Variants in ECT2L observed in about 807,000 individuals in gnomAD.
The protein encoded by ECT2L is epithelial cell-transforming sequence 2 oncogene-like.
In ECT2L, 126 loss-of-function variants were observed where a neutral mutation model predicts 122.8. The observed-to-expected ratio is 1.03, with a 90% CI of 0.89 to 1.19. ECT2L has a LOEUF of 1.19. ECT2L is among the 50% of genes most tolerant of loss of function. ECT2L has a pLI of 0.00. For missense variants in ECT2L, 1,012 were observed against 1,064.1 expected, an observed-to-expected ratio of 0.95 and a Z score of 0.68; for synonymous variants, 385 against 381.8, an observed-to-expected ratio of 1.01 and a Z score of -0.10.
At chr6:138,874,357 C>T in intron 13 of ECT2L, among the ~76,000 whole-genome samples, 1 of 152,062 alleles carries the variant, frequency 6.6e-6, no homozygotes, top group Admixed American at 6.5e-5. Context: ...TCCATAAAAA[C>T]TAAGTAAAAG....
At chr6:138,857,425 T>C (rs1178899266) in intron 10 of ECT2L, among the ~76,000 whole-genome samples, 2 of 152,130 alleles carry the variant, frequency 1.3e-5, no homozygotes, top group Non-Finnish European at 2.9e-5. Context: ...GTGATGGTGA[T>C]GCTGCTGCCT....
intron 12 of ECT2L, among the ~76,000 whole-genome samples, chr6:138,867,296 G>A (rs1024661163): frequency 6.6e-6 from 1 of 151,900 alleles, no homozygotes; most frequent in Non-Finnish European, 1.5e-5. Context: ...AAATTACTTT[G>A]GTTCATTTTA....
At position 138,882,776 on chromosome 6, in the gene ECT2L, T is replaced by C. The variant is rs766038787; in HGVS notation, c.1933T>C (p.Cys645Arg). 2 of 1,614,216 alleles carry C rather than the reference T, an allele frequency of 1.2e-6. No homozygotes were observed. The highest frequency in any genetic ancestry group is 1.7e-6 in the Non-Finnish European group (2 of 1,180,034). The change falls in exon 16 of 22, where the codon TGT becomes CGT. Residue 645 changes from cysteine to arginine, a missense_variant. Transcript: ENST00000541398. ...ACTGCAGGAATGGGGCCCAGCTCAC[T>C]GTGTGGGAGAAATAGTCACGAAGTT... Reference protein sequence around the residue: ...DRLQEWGPAHCVGEIVTKFGS... With the variant: ...DRLQEWGPAHRVGEIVTKFGS...
rs953098829 is a variant in ECT2L, at chr6:138,873,811, C to CA, written c.1579-2653dup. Among the ~76,000 whole-genome samples, 36 of 150,212 alleles carry CA rather than the reference C, an allele frequency of 2.4e-4. No homozygotes were observed. In the East Asian group the frequency reaches 3.7e-3, roughly 16 times the overall value. ...CTTTGTCTCAAAAAAATAAACAAAACAAAAAAAACAAACCCTCCCAGAGAG... is the reference window on the plus strand; with the variant it reads ...CTTTGTCTCAAAAAAATAAACAAAACAAAAAAAAACAAACCCTCCCAGAGAG... On this transcript the variant is annotated intron_variant, in intron 13 of 21. Coordinates refer to ENST00000541398, the MANE Select transcript of ECT2L (RefSeq NM_001077706.3).
chr6:138,800,929 C>T (rs1400869472), intron 1 of ECT2L, among the ~76,000 whole-genome samples: 1 of 151,760 alleles, frequency 6.6e-6, no homozygotes, highest in East Asian at 1.9e-4. Context: ...CAAGACGATG[C>T]CTTGTTGTTG....
intron 8 of ECT2L, 103 bp downstream of exon 8, chr6:138,846,780 G>A (rs1777238741): frequency 7.9e-7 from 1 of 1,265,298 alleles, no homozygotes; most frequent in Non-Finnish European, 1.0e-6. Flanking sequence ...GCCACCATGT[G>A]TATGAAAAAT....
chr6:138,822,371 T>C (rs963490875), intron 4 of ECT2L, among the ~76,000 whole-genome samples: 5 of 151,974 alleles, frequency 3.3e-5, no homozygotes, highest in Admixed American at 2.0e-4. Context: ...CTGGGCAACA[T>C]GGTGAAACCC....
chr6:138,815,433 C>T (rs1776035335), intron 4 of ECT2L, among the ~76,000 whole-genome samples: 1 of 152,162 alleles, frequency 6.6e-6, no homozygotes, highest in African/African-American at 2.4e-5. Flanking sequence ...TTGAAGAATC[C>T]AGCCAGGCTG....
At chr6:138,824,486 GT>G (rs551305604) in intron 4 of ECT2L, among the ~76,000 whole-genome samples, 9 of 123,632 alleles carry the variant, frequency 7.3e-5, no homozygotes, top group East Asian at 5.0e-4. Flanking sequence ...CTTTTTTCCT[GT>G]TTTTTTTAAA....
chr6:138,900,493 G>T (rs930185011), intron 20 of ECT2L, among the ~76,000 whole-genome samples: 3 of 152,164 alleles, frequency 2.0e-5, no homozygotes, highest in African/African-American at 7.2e-5. Context: ...TAATCAGCCT[G>T]CCTTGGCCTC....
rs1778116741 is a variant in ECT2L at position 138,868,115 on chromosome 6, T to C, written c.1487T>C (p.Phe496Ser). ...ISGRMIGQFMFDTMGMTNILN... is the reference protein window; with the variant it reads ...ISGRMIGQFMSDTMGMTNILN... ...CTTGTATTTACAGGGCAGTTTATGT[T>C]TGACACCATGGGTATGACCAACATT... The change falls in exon 13 of 22, where the codon TTT becomes TCT. Residue 496 changes from phenylalanine (F) to serine (S), a missense_variant. Physicochemically the swap from Phe to Ser is radical, Grantham distance 155. Transcript: ENST00000541398. 6.2e-7 allele frequency: 1 copy of C among 1,609,662 alleles called. No homozygotes were observed. Among genetic ancestry groups the C allele is most frequent in the East Asian group, 2.2e-5 (1 of 44,792 alleles).
chr6:138,902,919 A>G lies in ECT2L; in HGVS notation c.*292A>G. 1 of 305,726 alleles carries G rather than the reference A, an allele frequency of 3.3e-6. No individual in the cohort carries two copies. The highest frequency in any genetic ancestry group is 3.6e-5 in the South Asian group (1 of 27,590). 18.9% of individuals were successfully genotyped at this position (305,726 alleles called of 1,614,324 possible). On this transcript the variant is annotated 3_prime_UTR_variant, in exon 22 of 22. Transcript: ENST00000541398. ...GATGTGATGAAACCTAAGACAGAGC[A>G]AGCACATTGTGTAAAGCTTTGTTTT... is the stretch of plus-strand genomic sequence containing the variant.
intron 1 of ECT2L, among the ~76,000 whole-genome samples, chr6:138,806,667 C>A (rs1775722499): frequency 6.6e-6 from 1 of 151,944 alleles, no homozygotes. Context: ...TGCCCACCAC[C>A]ACGCCCAGCT....
In ECT2L at chr6:138,903,881, T is replaced by C. The variant is rs907080702; in HGVS notation, c.*1254T>C. ...TTCCCTTGTTCTTCAAATTCTTGTT[T>C]ACAGTAACAAAGTCTATCGGTGCAG... On this transcript the variant is annotated 3_prime_UTR_variant, in exon 22 of 22. Coordinates refer to ENST00000541398, the MANE Select transcript of ECT2L (RefSeq NM_001077706.3). 1 of 152,214 alleles carries C rather than the reference T, an allele frequency of 6.6e-6. No individual in the cohort carries two copies. Among genetic ancestry groups the C allele is most frequent in the Non-Finnish European group, 1.5e-5 (1 of 68,026 alleles). The allele number at this position is 152,214 out of a possible 1,614,324, so 9.4% of individuals were successfully genotyped here.
At chr6:138,849,525 C>A in intron 9 of ECT2L, 91 bp downstream of exon 9, 1 of 1,296,200 alleles carries the variant, frequency 7.7e-7, no homozygotes, top group Non-Finnish European at 1.0e-6. Flanking sequence ...ATCTCAGTTC[C>A]AAGTTGCTAA....
chr6:138,796,995 G>A (rs953575344), intron 1 of ECT2L, among the ~76,000 whole-genome samples: 1 of 151,712 alleles, frequency 6.6e-6, no homozygotes, highest in African/African-American at 2.4e-5. Context: ...CATCTTGTTT[G>A]TTACAGCTTT....
intron 21 of ECT2L, 134 bp from the exon 22 acceptor site, chr6:138,902,366 T>G (rs1779430567): frequency 1.4e-6 from 1 of 711,878 alleles, no homozygotes; most frequent in African/African-American, 1.8e-5. Context: ...GGAAGTTATA[T>G]TCTACACTGA....
intron 1 of ECT2L, among the ~76,000 whole-genome samples, chr6:138,806,307 T>A (rs772564835): frequency 1.4e-4 from 22 of 152,172 alleles, no homozygotes; most frequent in Non-Finnish European, 2.9e-4. Context: ...TTTGTGGGCT[T>A]TGTATATATG....
chr6:138,880,019 T>A (rs904010556), intron 14 of ECT2L, among the ~76,000 whole-genome samples: 4 of 152,050 alleles, frequency 2.6e-5, no homozygotes, highest in African/African-American at 9.7e-5. Flanking sequence ...ACATAGCACA[T>A]CTGGCAACCT....
Sources: allele counts gnomAD v4.1 joint callset (sites outside exome capture counted in the v4.1 genomes callset), GRCh38; gene constraint gnomAD v4.1.1; transcripts MANE v1.5; gene names NCBI Gene and HGNC (gene_info 2026-07-23, HGNC 2026-07-21).